PUF60: variants seen among roughly 807,000 people sequenced by gnomAD.
PUF60 encodes poly(U)-binding-splicing factor PUF60.
In PUF60, 10 loss-of-function variants were observed where a neutral mutation model predicts 61.8. The observed-to-expected ratio is 0.16, with a 90% CI of 0.10 to 0.27. The LOEUF (loss-of-function observed/expected upper bound fraction) is 0.27, where lower values mean the gene tolerates loss of function less well. Among genes scored for constraint, PUF60 ranks in the 10% least tolerant of loss-of-function variants. The pLI is 1.00. For synonymous variants in PUF60, 353 were observed against 300.9 expected, an observed-to-expected ratio of 1.17 and a Z score of -1.79; for missense variants, 371 against 754.0, an observed-to-expected ratio of 0.49 and a Z score of 5.95.
chr8:143,822,591 C>G (rs770151640), intron 2 of PUF60: 3 of 456,580 alleles, frequency 6.6e-6, no homozygotes, highest in Non-Finnish European at 8.8e-6. Flanking sequence ...CTGGGAGAAG[C>G]CAGGAGCAGA....
chr8:143,821,735 C>T lies in PUF60; in HGVS notation c.208-49G>A, dbSNP rs781350569. The T allele has an allele frequency of 5.8e-6, 9 of 1,545,062 alleles. No individual in the cohort carries two copies. The South Asian group carries it at 9.5e-5, about 16-fold the overall frequency. On this transcript the variant is annotated intron_variant, in intron 3 of 11. Transcript: ENST00000526683. ...CACTGGGGGCCCAGCCCATGGGAGA[C>T]AGGCCTGCCCCGCACCCCGCCCCTG...
chr8:143,818,912 C>T lies in PUF60; in HGVS notation c.349-378G>A, dbSNP rs1269309039. On this transcript the variant is annotated intron_variant, in intron 5 of 11. Transcript: ENST00000526683. The surrounding 1 kb of genome is among the most constrained non-coding windows in gnomAD (Gnocchi z 7.9). The stretch of plus-strand genomic sequence containing the variant: ...TCCTCCCACTGTCCCAGCCAAGGAC[C>T]ACGACAGAAGAGGGAAGGAGGAACC... 7.3e-6 allele frequency: 2 copies of T among 273,422 alleles called. No individual in the cohort carries two copies. The highest frequency in any genetic ancestry group is 1.4e-5 in the Non-Finnish European group (2 of 144,374). The allele number at this position is 273,422 out of a possible 1,614,324, so 16.9% of individuals were successfully genotyped here.
Position 143,824,256 on chromosome 8 carries a change from G to A in PUF60, c.111+57C>T, listed in dbSNP as rs866963085. 8.4e-5 allele frequency: 117 copies of A among 1,397,392 alleles called. 1 individual carries two copies. The highest frequency in any genetic ancestry group is 5.0e-4 in the Middle Eastern group (2 of 3,992). The allele number at this position is 1,397,392 out of a possible 1,614,324, so 86.6% of individuals were successfully genotyped here. A position where few individuals can be genotyped will look rare whatever the true frequency, so the allele number is the denominator to read the frequency against. Reference sequence around the variant, plus strand: ...TGGGCCCAGGGACGCACAGGCAGGCGGGCGGGCGGGCGGGCAGGCGGGCGG... The same window carrying A: ...TGGGCCCAGGGACGCACAGGCAGGCAGGCGGGCGGGCGGGCAGGCGGGCGG... On this transcript the variant is annotated intron_variant, in intron 2 of 11. Coordinates refer to ENST00000526683, the MANE Select transcript of PUF60 (RefSeq NM_078480.3).
rs774396637 is a variant in PUF60 at position 143,817,127 on chromosome 8, G to C, written c.1163C>G (p.Pro388Arg). 3.7e-6 allele frequency: 6 copies of C among 1,605,820 alleles called. No homozygotes were observed. Among genetic ancestry groups the C allele is most frequent in the Non-Finnish European group, 4.3e-6 (5 of 1,176,390 alleles). Residue 388 changes from proline (P) to arginine (R), a missense_variant, in exon 11 of 12, where the codon CCT becomes CGT. By Grantham distance (103) the Pro-to-Arg change is moderately radical. This residue lies in a region of PUF60 where 68 missense variants were observed against 69.4 expected (regional missense o/e 0.98). Transcript: ENST00000526683. This position sits in a 1 kb window ranked among gnomAD's most constrained non-coding sequence, Gnocchi z 7.4. The part of the protein sequence containing the change: ...GVITGVTPAR[P>R]PIPVTIPSVG... ...CGAGGGGATGGTGACCGGGATAGGA[G>C]GACGGGCTGGGGTCACACCTGCAGG...
rs746856352 is a variant in PUF60 at position 143,817,841 on chromosome 8, G to A, written c.817+21C>T. 4.9e-5 allele frequency: 79 copies of A among 1,609,116 alleles called. 5 individuals are homozygous for A. The East Asian group carries it at 6.3e-4, about 13-fold the overall frequency. On this transcript the variant is annotated intron_variant, in intron 8 of 11. Transcript: ENST00000526683. This position sits in a 1 kb window ranked among gnomAD's most constrained non-coding sequence, Gnocchi z 7.4. ...CCCAGCCTCAGGTGGCCCCCATCCC[G>A]CCTCAGCCACCCCAGCTCACCAATG...
chr8:143,824,692 A>C, intron 1 of PUF60: 1 of 442,308 alleles, frequency 2.3e-6, no homozygotes, highest in Non-Finnish European at 4.1e-6. Flanking sequence ...AGGCAAAAGA[A>C]AGCCATCCTC....
intron 1 of PUF60, among the ~76,000 whole-genome samples, chr8:143,827,942 C>T (rs1817822101): frequency 6.6e-6 from 1 of 152,220 alleles, no homozygotes; most frequent in South Asian, 2.1e-4. Context: ...CATGTCCAGT[C>T]CTTGTCTCTG....
At position 143,816,372 on chromosome 8, in the gene PUF60, G is replaced by A. The variant is rs534311514; in HGVS notation, c.*148C>T. On this transcript the variant is annotated 3_prime_UTR_variant, in exon 12 of 12. Transcript: ENST00000526683. Reference sequence around the variant, plus strand: ...GTGACAGGACCGACGGCAGACACACGGACGTTCAGGGCCAGCAGCATCCGC... The same window carrying A: ...GTGACAGGACCGACGGCAGACACACAGACGTTCAGGGCCAGCAGCATCCGC... 1.1e-4 allele frequency: 95 copies of A among 874,904 alleles called. No homozygotes were observed. The African/African-American group carries it at 1.6e-3, about 15-fold the overall frequency. 54.2% of individuals were successfully genotyped at this position (874,904 alleles called of 1,614,324 possible). A position where few individuals can be genotyped will look rare whatever the true frequency, so the allele number is the denominator to read the frequency against.
chr8:143,822,972 G>A, intron 2 of PUF60: 1 of 186,014 alleles, frequency 5.4e-6, no homozygotes, highest in Non-Finnish European at 1.1e-5. Flanking sequence ...ACAGGAGGCA[G>A]GAAGGGACAG....
intron 4 of PUF60, 173 bp downstream of exon 4, chr8:143,821,424 G>A (rs1428550041): frequency 1.4e-5 from 9 of 639,934 alleles, no homozygotes; most frequent in Non-Finnish European, 2.5e-5. Flanking sequence ...GGGAAAGGCT[G>A]GGCCACTCGT....
chr8:143,827,355 A>G (rs1353233052), intron 1 of PUF60: 7 of 456,208 alleles, frequency 1.5e-5, no homozygotes, highest in South Asian at 1.1e-4. Context: ...GCCATGCGTC[A>G]AAGTGAAAAG....
chr8:143,816,547 A>T lies in PUF60; in HGVS notation c.1653T>A (p.Arg551=). 6.2e-7 allele frequency: 1 copy of T among 1,612,176 alleles called. No individual in the cohort carries two copies. The highest frequency in any genetic ancestry group is 1.1e-5 in the South Asian group (1 of 91,038). The change falls in exon 12 of 12, where the codon CGT becomes CGA. Residue 551 remains arginine (R), a synonymous_variant. Transcript: ENST00000526683. The stretch of plus-strand genomic sequence containing the variant: ...ACGCAGAGAGGTCACTGTTATCAAA[A>T]CGCTCCTGGTCGTACACTTCAGCCA... The part of the protein sequence containing the change: ...KVVAEVYDQE[R]FDNSDLSA
chr8:143,821,526 A>G, intron 4 of PUF60, 71 bp downstream of exon 4: 1 of 1,315,846 alleles, frequency 7.6e-7, no homozygotes, highest in South Asian at 1.3e-5. Flanking sequence ...GCCCAGGAGG[A>G]GGAAGAGCGT....
intron 1 of PUF60, 35 bp from the exon 2 acceptor site, chr8:143,824,434 A>G (rs1390961702): frequency 6.3e-7 from 1 of 1,597,398 alleles, no homozygotes; most frequent in Non-Finnish European, 8.5e-7. Context: ...AACGACAGGC[A>G]CACCACCCCA....
rs143465632 is a variant in PUF60, at chr8:143,819,939, G to T, written c.348+727C>A. 6.6e-3 allele frequency among the ~76,000 whole-genome samples: 1,000 copies of T among 152,284 alleles called. 6 individuals are homozygous for T. The highest frequency in any genetic ancestry group is 0.011 in the Non-Finnish European group (769 of 68,020). ...GAACAAGGCGTGTGTTGCCCCATGG[G>T]AGCCACACACAGGGATGACCCCTCT... On this transcript the variant is annotated intron_variant, in intron 5 of 11. Transcript: ENST00000526683.
chr8:143,817,805 G>A lies in PUF60; in HGVS notation c.818-23C>T, dbSNP rs1397212981. 1.2e-6 allele frequency: 2 copies of A among 1,607,018 alleles called. No individual in the cohort carries two copies. The highest frequency in any genetic ancestry group is 2.2e-5 in the East Asian group (1 of 44,642). On this transcript the variant is annotated intron_variant, in intron 8 of 11. Transcript: ENST00000526683. This position sits in a 1 kb window ranked among gnomAD's most constrained non-coding sequence, Gnocchi z 7.4. ...ACTCTGTGGGCAGGAGCAGCAGTGAGCAGGGCCAGCCCCAGCCTCAGGTGG... is the reference window on the plus strand; with the variant it reads ...ACTCTGTGGGCAGGAGCAGCAGTGAACAGGGCCAGCCCCAGCCTCAGGTGG...
At chr8:143,827,730 A>G (rs1375080059) in intron 1 of PUF60, among the ~76,000 whole-genome samples, 1 of 152,182 alleles carries the variant, frequency 6.6e-6, no homozygotes. Context: ...ATTAAACCCA[A>G]CAGAATTTGG....
intron 5 of PUF60, chr8:143,819,016 G>GA (rs1304978686): frequency 1.3e-5 from 2 of 159,222 alleles, no homozygotes; most frequent in Non-Finnish European, 2.7e-5. Flanking sequence ...GCCCAGAAGA[G>GA]ACCCCAGGGG....
intron 4 of PUF60, chr8:143,821,364 C>A (rs1816997058): frequency 5.0e-6 from 3 of 598,396 alleles, no homozygotes; most frequent in Middle Eastern, 4.4e-4. Context: ...TGCAGCCAAG[C>A]AGCCAAGAAA....
Sources: allele counts gnomAD v4.1 joint callset (sites outside exome capture counted in the v4.1 genomes callset), GRCh38; gene constraint gnomAD v4.1.1; regional missense constraint gnomAD v4.1.1; non-coding constraint Gnocchi (gnomAD v3.1); transcripts MANE v1.5; gene names NCBI Gene and HGNC (gene_info 2026-07-23, HGNC 2026-07-21).